The following C11orf91 variants were observed in gnomAD, a reference collection of about 807,000 sequenced individuals.
The protein encoded by C11orf91 is uncharacterized protein C11orf91.
In C11orf91, 10 loss-of-function variants were observed where a neutral mutation model predicts 14.3. That is an observed-to-expected ratio of 0.70 (90% confidence interval 0.43 to 1.18). The LOEUF is 1.18. Ranked by LOEUF, C11orf91 falls within the 50% of genes most tolerant of loss-of-function variation. The probability of loss-of-function intolerance (pLI) is 0.00; values close to 1 mark genes in which losing one functional copy is unlikely to be tolerated. For missense variants in C11orf91, 236 were observed against 269.0 expected (o/e 0.88, Z 0.86); for synonymous variants, 141 against 130.6 (o/e 1.08, Z -0.54).
In C11orf91 at chr11:33,700,602, C is replaced by T. The variant is rs765359678; in HGVS notation, c.139G>A (p.Val47Met). The change falls in exon 1 of 2, where the codon GTG becomes ATG. Residue 47 changes from valine (V) to methionine (M), a missense_variant. Transcript: ENST00000379011. Reference protein sequence around the residue: ...SDFNIWKKLFVPLKAGGAPVG... With the variant: ...SDFNIWKKLFMPLKAGGAPVG... The stretch of plus-strand genomic sequence containing the variant: ...GGCGCCCCGCCCGCCTTCAGCGGCA[C>T]GAAGAGCTTCTTCCAGATGTTGAAG... 33 of 1,467,878 alleles carry T rather than the reference C, an allele frequency of 2.2e-5. No homozygotes were observed. The Admixed American group carries it at 3.5e-4, about 16-fold the overall frequency. The allele number at this position is 1,467,878 out of a possible 1,614,324, so 90.9% of individuals were successfully genotyped here. A position where few individuals can be genotyped will look rare whatever the true frequency, so the allele number is the denominator to read the frequency against.
At chr11:33,704,060 C>G (rs992297432), upstream of C11orf91, 5 of 152,344 alleles carry the variant, frequency 3.3e-5, no homozygotes, top group African/African-American at 1.2e-4. Flanking sequence ...TCCAGCTCTG[C>G]ATCTGGACAC....
At chr11:33,700,139 G>C (rs1853096033) in intron 1 of C11orf91, 106 bp downstream of exon 1, 1 of 1,256,744 alleles carries the variant, frequency 8.0e-7, no homozygotes, top group Non-Finnish European at 1.1e-6. Flanking sequence ...TGGGACTACT[G>C]GGGGCTGGAG....
upstream of C11orf91, among the ~76,000 whole-genome samples, chr11:33,702,376 G>A (rs1404096507): frequency 2.0e-5 from 3 of 152,122 alleles, no homozygotes; most frequent in African/African-American, 4.8e-5. Flanking sequence ...TTGAACCAAG[G>A]AGGCTGAGGT....
Position 33,700,687 on chromosome 11 carries a change from A to G in C11orf91, c.54T>C (p.Ala18=). The G allele has an allele frequency of 6.9e-7, 1 of 1,442,324 alleles. No homozygotes were observed. Among genetic ancestry groups the G allele is most frequent in the Non-Finnish European group, 9.1e-7 (1 of 1,098,616 alleles). The allele number at this position is 1,442,324 out of a possible 1,614,324, so 89.3% of individuals were successfully genotyped here. The part of the protein sequence containing the change: ...SHSPTMSQRS[A]PPLYFPSLYD... ...ACAGGGACGGGAAATAGAGGGGCGGAGCCGACCGCTGGCTCATGGTGGGGC... is the reference window on the plus strand; with the variant it reads ...ACAGGGACGGGAAATAGAGGGGCGGGGCCGACCGCTGGCTCATGGTGGGGC... The change falls in exon 1 of 2, where the codon GCT becomes GCC. Residue 18 remains alanine, a synonymous_variant. Transcript: ENST00000379011.
upstream of C11orf91, chr11:33,700,920 A>C: frequency 2.4e-6 from 1 of 417,494 alleles, no homozygotes; most frequent in Non-Finnish European, 3.4e-6. Flanking sequence ...ACGTCCCGGA[A>C]CGCGGCCCCG....
the C11orf91 span, chr11:33,706,548 G>GT: frequency 1.5e-5 from 2 of 130,214 alleles, no homozygotes; most frequent in Admixed American, 1.5e-4. Context: ...TTCAGAAAGG[G>GT]TTTAAAAAAA....
chr11:33,700,567 C>G lies in C11orf91; in HGVS notation c.174G>C (p.Gly58=). Residue 58 remains glycine, a synonymous_variant, in exon 1 of 2, where the codon GGG becomes GGC. Transcript: ENST00000379011. ...GGGACAGGGACCGGGCCCCCGCCGC[C>G]CCGCCCACTGGCGCCCCGCCCGCCT... The part of the protein sequence containing the change: ...PLKAGGAPVG[G]AAGARSLSQA... 1 of 1,451,788 alleles carries G rather than the reference C, an allele frequency of 6.9e-7. No individual in the cohort carries two copies. The highest frequency in any genetic ancestry group is 1.4e-5 in the South Asian group (1 of 73,032). The allele number at this position is 1,451,788 out of a possible 1,614,324, so 89.9% of individuals were successfully genotyped here.
chr11:33,703,342 T>C (rs190341475), upstream of C11orf91: 86 of 152,200 alleles, frequency 5.7e-4, no homozygotes, highest in African/African-American at 1.8e-3. Flanking sequence ...AACCCTACGG[T>C]TGTTTCTGCA....
the C11orf91 span, chr11:33,706,306 T>A: frequency 6.6e-6 from 1 of 152,110 alleles, no homozygotes; most frequent in Non-Finnish European, 1.5e-5. Context: ...ATTACAAAAA[T>A]TTTATATTGA....
intron 1 of C11orf91, among the ~76,000 whole-genome samples, chr11:33,699,292 C>T (rs1853081602): frequency 6.6e-6 from 1 of 152,140 alleles, no homozygotes; most frequent in South Asian, 2.1e-4. Flanking sequence ...TCCATGGCCA[C>T]ACGGACCTAA....
chr11:33,700,431 C>T lies in C11orf91; in HGVS notation c.310G>A (p.Glu104Lys), dbSNP rs565706379. 2.8e-6 allele frequency: 4 copies of T among 1,414,890 alleles called. No individual in the cohort carries two copies. The highest frequency in any genetic ancestry group is 4.4e-5 in the Admixed American group (2 of 45,760). 87.6% of individuals were successfully genotyped at this position (1,414,890 alleles called of 1,614,324 possible). A position where few individuals can be genotyped will look rare whatever the true frequency, so the allele number is the denominator to read the frequency against. Reference sequence around the variant, plus strand: ...GGTGAGTAGAAGAAGCGCAGAGGCTCGTAGGGGATGGAGGCCAGGCCGGAG... The same window carrying T: ...GGTGAGTAGAAGAAGCGCAGAGGCTTGTAGGGGATGGAGGCCAGGCCGGAG... ...WPSGLASIPY[E>K]PLRFFYSPPP... The change falls in exon 1 of 2, where the codon GAG (glutamate) becomes AAG (lysine). Residue 104 changes from glutamate (E) to lysine (K), a missense_variant. Coordinates refer to ENST00000379011, the MANE Select transcript of C11orf91 (RefSeq NM_001166692.2).
At position 33,700,501 on chromosome 11, in the gene C11orf91, G is replaced by C. The variant is rs1240974337; in HGVS notation, c.240C>G (p.Pro80=). 3 of 1,348,266 alleles carry C rather than the reference G, an allele frequency of 2.2e-6. No homozygotes were observed. Among genetic ancestry groups the C allele is most frequent in the Non-Finnish European group, 2.8e-6 (3 of 1,060,920 alleles). The allele number at this position is 1,348,266 out of a possible 1,614,324, so 83.5% of individuals were successfully genotyped here. ...PAPAPPPPPP[P]GLGPSSERPW... The stretch of plus-strand genomic sequence containing the variant: ...GGCGCTCGCTGGAGGGACCCAGGCC[G>C]GGTGGTGGCGGGGGCGGGGGCGCCG... The change falls in exon 1 of 2, where the codon CCC becomes CCG. Residue 80 remains proline (P), a synonymous_variant. Coordinates refer to ENST00000379011, the MANE Select transcript of C11orf91 (RefSeq NM_001166692.2).
chr11:33,700,309 CAGCTCGCAG>C lies in C11orf91; in HGVS notation c.423_431del (p.Cys142_Leu144del). 1 of 1,535,328 alleles carries C rather than the reference CAGCTCGCAG, an allele frequency of 6.5e-7. No individual in the cohort carries two copies. The highest frequency in any genetic ancestry group is 8.7e-7 in the Non-Finnish European group (1 of 1,146,636). On this transcript the variant is annotated inframe_deletion, in exon 1 of 2. Coordinates refer to ENST00000379011, the MANE Select transcript of C11orf91 (RefSeq NM_001166692.2). ...ACTCCAGCTCCTTAATCCGGATCTC[CAGCTCGCAG>C]AGCTCCTCCGGGTGGGAGGCAGAGG... is the stretch of plus-strand genomic sequence containing the variant.
chr11:33,698,954 T>C (rs139097472), intron 1 of C11orf91, among the ~76,000 whole-genome samples: 45 of 151,924 alleles, frequency 3.0e-4, no homozygotes, highest in Non-Finnish European at 6.0e-4. Flanking sequence ...CTCATTTTTG[T>C]ATTTTAGTAG....
intron 1 of C11orf91, among the ~76,000 whole-genome samples, chr11:33,698,953 G>A (rs1853075567): frequency 6.6e-6 from 1 of 151,578 alleles, no homozygotes; most frequent in Non-Finnish European, 1.5e-5. Flanking sequence ...GCTCATTTTT[G>A]TATTTTAGTA....
At position 33,698,464 on chromosome 11, in the gene C11orf91, T is replaced by A. The variant is rs1853062362; in HGVS notation, c.547A>T (p.Lys183Ter). Residue 183 changes from lysine (K) to a stop codon, truncating the protein, a stop_gained, in exon 2 of 2, where the codon AAG (lysine) becomes TAG (stop). Coordinates refer to ENST00000379011, the MANE Select transcript of C11orf91 (RefSeq NM_001166692.2). LOFTEE classifies it high-confidence loss of function. ...KDEKLQGLKT[K>*]QPGKKSASLS ...GAGGCCGACTTCTTTCCAGGTTGCT[T>A]GGTCTTCAGTCCTTGTAACTTTTCG... is the stretch of plus-strand genomic sequence containing the variant. The A allele has an allele frequency of 6.5e-7, 1 of 1,537,508 alleles. No homozygotes were observed. Among genetic ancestry groups the A allele is most frequent in the South Asian group, 1.2e-5 (1 of 84,064 alleles).
chr11:33,704,183 A>T (rs929683689), upstream of C11orf91: 16 of 151,982 alleles, frequency 1.1e-4, no homozygotes, highest in African/African-American at 3.9e-4. Flanking sequence ...TGTGTCTTGG[A>T]ATACAAGAGT....
chr11:33,698,499 G>T lies in C11orf91; in HGVS notation c.512C>A (p.Ala171Glu), dbSNP rs370336358. ...TCCTTGTAACTTTTCGTCTTTTAGC[G>T]CCTTCAGGAATGTGTCTGCAGGAGA... ...FDSQSYTFLK[A>E]LKDEKLQGLK... The change falls in exon 2 of 2, where the codon GCG becomes GAG. Residue 171 changes from alanine to glutamate, a missense_variant. Transcript: ENST00000379011. 9 of 1,537,238 alleles carry T rather than the reference G, an allele frequency of 5.9e-6. No individual in the cohort carries two copies. In the South Asian group the frequency reaches 8.3e-5, roughly 14 times the overall value.
Position 33,700,539 on chromosome 11 carries a change from C to T in C11orf91, c.202G>A (p.Ala68Thr). The T allele has an allele frequency of 7.1e-7, 1 of 1,399,594 alleles. No individual in the cohort carries two copies. Among genetic ancestry groups the T allele is most frequent in the Non-Finnish European group, 9.2e-7 (1 of 1,083,448 alleles). 86.7% of individuals were successfully genotyped at this position (1,399,594 alleles called of 1,614,324 possible). A position where few individuals can be genotyped will look rare whatever the true frequency, so the allele number is the denominator to read the frequency against. Residue 68 changes from alanine (A) to threonine (T), a missense_variant, in exon 1 of 2, where the codon GCG (alanine) becomes ACG (threonine). By Grantham distance (58) the Ala-to-Thr change is moderately conservative. Coordinates refer to ENST00000379011, the MANE Select transcript of C11orf91 (RefSeq NM_001166692.2). Reference protein sequence around the residue: ...GAAGARSLSQALPAPAPPPPP... With the variant: ...GAAGARSLSQTLPAPAPPPPP... ...GGCGGGGGCGCCGGGGCGGGGAGCG[C>T]CTGGGACAGGGACCGGGCCCCCGCC...
Sources: allele counts gnomAD v4.1 joint callset (sites outside exome capture counted in the v4.1 genomes callset), GRCh38; gene constraint gnomAD v4.1.1; transcripts MANE v1.5; gene names NCBI Gene and HGNC (gene_info 2026-07-23, HGNC 2026-07-21).